The following NBEA variants were observed in gnomAD, a reference collection of about 807,000 sequenced individuals.
NBEA encodes the protein lysosomal-trafficking regulator 2.
Under a neutral mutation model 343.4 loss-of-function variants are expected in NBEA, and 44 were observed. That is an observed-to-expected ratio of 0.13 (90% CI 0.10 to 0.16). The LOEUF (loss-of-function observed/expected upper bound fraction) is 0.16. Among genes scored for constraint, NBEA ranks in the 10% least tolerant of loss-of-function variants. The probability of loss-of-function intolerance (pLI) is 1.00; values close to 1 mark genes in which losing one functional copy is unlikely to be tolerated. For synonymous variants in NBEA, 1,175 were observed against 1,238.7 expected (o/e 0.95, Z 1.08); for missense variants, 2,555 against 3,631.3 (o/e 0.70, Z 7.62).
At chr13:35,169,435 GC>G (rs1432565775) in intron 25 of NBEA, among the ~76,000 whole-genome samples, 2 of 151,228 alleles carry the variant, frequency 1.3e-5, no homozygotes, top group Non-Finnish European at 3.0e-5. Flanking sequence ...TGTTGAAAGT[GC>G]CTTCTACTCT....
intron 48 of NBEA, among the ~76,000 whole-genome samples, chr13:35,624,383 T>C (rs1257570547): frequency 1.3e-5 from 2 of 152,122 alleles, no homozygotes; most frequent in South Asian, 2.1e-4. Flanking sequence ...GATAAAACTT[T>C]TATGGAGAAA....
chr13:35,083,765 C>T (rs1195800827), intron 10 of NBEA, among the ~76,000 whole-genome samples: 3 of 151,980 alleles, frequency 2.0e-5, no homozygotes, highest in Admixed American at 2.0e-4. Context: ...ACAATATTAA[C>T]CTTAAATGTA....
At chr13:35,184,141 C>G in intron 30 of NBEA, 70 bp downstream of exon 30, 1 of 1,121,128 alleles carries the variant, frequency 8.9e-7, no homozygotes, top group Non-Finnish European at 1.3e-6. Flanking sequence ...AATAAATATT[C>G]ATGATATACT....
At chr13:35,294,260 T>C (rs9600454) in intron 35 of NBEA, among the ~76,000 whole-genome samples, 2,211 of 152,034 alleles carry the variant, frequency 0.015, 49 homozygotes, top group African/African-American at 0.05. Flanking sequence ...TTTTTTTTTT[T>C]AATGATTTGG....
chr13:35,465,141 A>G (rs1046569825), intron 40 of NBEA, among the ~76,000 whole-genome samples: 1 of 152,062 alleles, frequency 6.6e-6, no homozygotes, highest in African/African-American at 2.4e-5. Flanking sequence ...TATCTTTTAT[A>G]TTTATAAAGA....
chr13:35,351,517 A>G (rs1190000658), intron 37 of NBEA, among the ~76,000 whole-genome samples: 1 of 152,058 alleles, frequency 6.6e-6, no homozygotes, highest in Admixed American at 6.6e-5. Flanking sequence ...ATTATGGGAA[A>G]AGGAAGGTAA....
intron 46 of NBEA, among the ~76,000 whole-genome samples, chr13:35,589,010 T>C (rs2081407818): frequency 6.6e-6 from 1 of 152,130 alleles, no homozygotes; most frequent in Non-Finnish European, 1.5e-5. Flanking sequence ...AGTAGAAACA[T>C]TTTTGCAAGT....
rs142464752 is a variant in NBEA, at chr13:35,197,747, G to A, written c.5366+1445G>A. 1.5e-3 allele frequency among the ~76,000 whole-genome samples: 235 copies of A among 152,120 alleles called. 1 individual carries two copies. Among genetic ancestry groups the A allele is most frequent in the African/African-American group, 5.0e-3 (209 of 41,534 alleles). ...TGAACTCTGACCTCATGATCCACCC[G>A]CCTTTGCCTCCCAAAGTGCTAGGAT... On this transcript the variant is annotated intron_variant, in intron 31 of 58. Coordinates refer to ENST00000379939, the MANE Select transcript of NBEA (RefSeq NM_001385012.1).
At chr13:35,185,978 T>C (rs2071674029) in intron 30 of NBEA, 2 of 152,110 alleles carry the variant, frequency 1.3e-5, no homozygotes, top group South Asian at 4.2e-4. Flanking sequence ...ATCTTAGAGG[T>C]ACACAATTTC....
intron 39 of NBEA, among the ~76,000 whole-genome samples, chr13:35,433,815 G>T (rs1349364767): frequency 6.6e-6 from 1 of 152,006 alleles, no homozygotes; most frequent in Non-Finnish European, 1.5e-5. Context: ...TTGTAGGAGA[G>T]AATCTTAGAA....
At chr13:35,506,512 T>C (rs753529905) in intron 41 of NBEA, among the ~76,000 whole-genome samples, 1 of 152,212 alleles carries the variant, frequency 6.6e-6, no homozygotes, top group Non-Finnish European at 1.5e-5. Context: ...CAAGAGTAAT[T>C]TGAAATTCTT....
rs58355389 is a variant in NBEA, at chr13:35,318,464, G to A, written c.5903+8872G>A. 4.8e-3 allele frequency among the ~76,000 whole-genome samples: 726 copies of A among 152,304 alleles called. 5 individuals carry two copies. The highest frequency in any genetic ancestry group is 0.017 in the African/African-American group (700 of 41,554). Reference sequence around the variant, plus strand: ...CAGAGATGAAGCCAACTTGATCGTGGTGGATAAGCTTTTTGATGTGCTGTT... The same window carrying A: ...CAGAGATGAAGCCAACTTGATCGTGATGGATAAGCTTTTTGATGTGCTGTT... On this transcript the variant is annotated intron_variant, in intron 36 of 58. Transcript: ENST00000379939.
chr13:35,121,166 A>G (rs2066775916), intron 16 of NBEA, among the ~76,000 whole-genome samples: 1 of 151,864 alleles, frequency 6.6e-6, no homozygotes, highest in Non-Finnish European at 1.5e-5. Flanking sequence ...GTGCAGTGGT[A>G]CCATCTCGGC....
At chr13:35,102,228 C>T (rs2065680990) in intron 11 of NBEA, among the ~76,000 whole-genome samples, 1 of 151,844 alleles carries the variant, frequency 6.6e-6, no homozygotes, top group South Asian at 2.1e-4. Flanking sequence ...CACTGCATTG[C>T]AGTCTAATCT....
chr13:35,173,298 A>C (rs1355628320), intron 26 of NBEA, among the ~76,000 whole-genome samples, 166 bp from the exon 27 acceptor site: 1 of 152,014 alleles, frequency 6.6e-6, no homozygotes, highest in Non-Finnish European at 1.5e-5. Flanking sequence ...AGGTACTTTC[A>C]CTACTGTATT....
chr13:35,645,266 A>G (rs1170741809), intron 49 of NBEA, among the ~76,000 whole-genome samples: 1 of 152,224 alleles, frequency 6.6e-6, no homozygotes, highest in African/African-American at 2.4e-5. Flanking sequence ...AATTTAGGGA[A>G]AAAATTAGCA....
At chr13:35,346,725 A>G (rs1281840779) in intron 36 of NBEA, among the ~76,000 whole-genome samples, 1 of 152,128 alleles carries the variant, frequency 6.6e-6, no homozygotes, top group Non-Finnish European at 1.5e-5. Context: ...CTGCTATGCA[A>G]GATTTTACTG....
intron 1 of NBEA, among the ~76,000 whole-genome samples, chr13:35,014,786 G>T (rs1000057648): frequency 6.6e-6 from 1 of 151,958 alleles, no homozygotes; most frequent in African/African-American, 2.4e-5. Flanking sequence ...CCTACCTGTT[G>T]GTGCCACTGG....
chr13:35,073,059 A>AATAC (rs1230656518), intron 10 of NBEA, among the ~76,000 whole-genome samples: 4 of 152,130 alleles, frequency 2.6e-5, no homozygotes, highest in African/African-American at 9.7e-5. Context: ...GTGGATCAGT[A>AATAC]ATACAGTCTT....
Sources: gnomAD v4.1 joint callset for allele counts (sites outside exome capture counted in the v4.1 genomes callset) on GRCh38, gnomAD v4.1.1 for gene constraint, MANE v1.5 for transcripts, NCBI Gene and HGNC (gene_info 2026-07-23, HGNC 2026-07-21) for gene names.